ELAPOR1: variants seen among roughly 807,000 people sequenced by gnomAD.
The protein encoded by ELAPOR1 is endosome/lysosome-associated apoptosis and autophagy regulator 1.
In ELAPOR1, 77 loss-of-function variants were observed where a neutral mutation model predicts 119.7. The observed-to-expected ratio is 0.64, with a 90% confidence interval of 0.54 to 0.78. ELAPOR1 has a LOEUF of 0.78. Ranked by LOEUF, ELAPOR1 falls within the 30% of genes least tolerant of loss-of-function variation. The pLI is 0.00. For missense variants in ELAPOR1, 1,115 were observed against 1,270.4 expected, an observed-to-expected ratio of 0.88 and a Z score of 1.86; for synonymous variants, 481 against 487.2, an observed-to-expected ratio of 0.99 and a Z score of 0.17.
chr1:109,133,441 A>G (rs990394557), intron 1 of ELAPOR1, among the ~76,000 whole-genome samples: 2 of 152,212 alleles, frequency 1.3e-5, no homozygotes, highest in South Asian at 2.1e-4. Context: ...TGCAACAGAA[A>G]GATGTACTGA....
At chr1:109,189,736 C>A in intron 11 of ELAPOR1, 54 bp downstream of exon 11, 5 of 1,402,200 alleles carry the variant, frequency 3.6e-6, no homozygotes, top group Middle Eastern at 1.8e-4. Context: ...TATCCGAATC[C>A]CACGTATTTT....
In ELAPOR1 at chr1:109,197,586, C is replaced by T; in HGVS notation, c.2234C>T (p.Pro745Leu). 1 of 1,614,212 alleles carries T rather than the reference C, an allele frequency of 6.2e-7. No individual in the cohort carries two copies. The highest frequency in any genetic ancestry group is 8.5e-7 in the Non-Finnish European group (1 of 1,180,036). ...TACGTCTGCCAGGCAGTCATCATCCCCCCAGAGGTGACAGGCTACAAGGCC... is the reference window on the plus strand; with the variant it reads ...TACGTCTGCCAGGCAGTCATCATCCTCCCAGAGGTGACAGGCTACAAGGCC... ...TAYVCQAVII[P>L]PEVTGYKAGV... is the part of the protein sequence containing the mutation. The change falls in exon 16 of 22, where the codon CCC becomes CTC. Residue 745 changes from proline (P) to leucine (L), a missense_variant. By Grantham distance (98) the Pro-to-Leu change is moderately conservative. Coordinates refer to ENST00000369939, the MANE Select transcript of ELAPOR1 (RefSeq NM_020775.5).
At chr1:109,170,878 C>T (rs967912300) in intron 3 of ELAPOR1, among the ~76,000 whole-genome samples, 37 of 151,922 alleles carry the variant, frequency 2.4e-4, no homozygotes, top group Non-Finnish European at 1.5e-5. Context: ...AGAGTGAACA[C>T]GTATTTAGGA....
intron 7 of ELAPOR1, among the ~76,000 whole-genome samples, chr1:109,181,962 GAAAT>G (rs1652725545): frequency 6.6e-6 from 1 of 152,144 alleles, no homozygotes; most frequent in South Asian, 2.1e-4. Context: ...AATCAGTTGA[GAAAT>G]AAGCCCTTAA....
At chr1:109,159,547 T>C (rs1207609506) in intron 1 of ELAPOR1, among the ~76,000 whole-genome samples, 2 of 152,166 alleles carry the variant, frequency 1.3e-5, no homozygotes, top group East Asian at 3.8e-4. Flanking sequence ...CAACCAACAC[T>C]GTCATGTTTA....
At chr1:109,190,329 C>T (rs1349224968) in intron 11 of ELAPOR1, among the ~76,000 whole-genome samples, 1 of 152,232 alleles carries the variant, frequency 6.6e-6, no homozygotes, top group Non-Finnish European at 1.5e-5. Context: ...GTTCAGATGG[C>T]TTTTCCAGCC....
intron 1 of ELAPOR1, among the ~76,000 whole-genome samples, chr1:109,118,127 C>CAA (rs112431191): frequency 2.9e-5 from 4 of 137,072 alleles, no homozygotes; most frequent in African/African-American, 5.3e-5. Context: ...AACTCCGTCT[C>CAA]AAAAAAAAAA....
At chr1:109,139,357 T>C (rs1211522000) in intron 1 of ELAPOR1, among the ~76,000 whole-genome samples, 1 of 151,704 alleles carries the variant, frequency 6.6e-6, no homozygotes, top group Non-Finnish European at 1.5e-5. Flanking sequence ...TAAAAATAAA[T>C]AAAAATAAAA....
intron 1 of ELAPOR1, among the ~76,000 whole-genome samples, chr1:109,120,252 G>T (rs1648307722): frequency 6.6e-6 from 1 of 152,096 alleles, no homozygotes; most frequent in East Asian, 1.9e-4. Flanking sequence ...GCAAAACCTA[G>T]CTGGTGTGGT....
At chr1:109,201,756 C>T (rs1411713689) in intron 21 of ELAPOR1, among the ~76,000 whole-genome samples, 1 of 152,092 alleles carries the variant, frequency 6.6e-6, no homozygotes, top group Non-Finnish European at 1.5e-5. Flanking sequence ...GAACAGTTCA[C>T]CCTGGGACTC....
At chr1:109,194,976 G>A (rs1304630331) in intron 15 of ELAPOR1, among the ~76,000 whole-genome samples, 1 of 152,036 alleles carries the variant, frequency 6.6e-6, no homozygotes, top group African/African-American at 2.4e-5. Context: ...TGGGCGTGGT[G>A]GTGCATGCCT....
intron 1 of ELAPOR1, among the ~76,000 whole-genome samples, chr1:109,123,449 G>A (rs74113754): frequency 0.018 from 2,673 of 152,186 alleles, 89 homozygotes; most frequent in African/African-American, 0.061. Flanking sequence ...TTTAATCACC[G>A]TATCTGTTGG....
In ELAPOR1 at chr1:109,144,153, G is replaced by C. The variant is rs187003780; in HGVS notation, c.154-17741G>C. The stretch of plus-strand genomic sequence containing the variant: ...TGGCTCACCGCAACCTCCACTTCCC[G>C]GGTTCAAGTGATTCTCCTGCCTCAG... On this transcript the variant is annotated intron_variant, in intron 1 of 21. Transcript: ENST00000369939. 3.7e-3 allele frequency among the ~76,000 whole-genome samples: 528 copies of C among 143,872 alleles called. 24 individuals are homozygous for C. The East Asian group carries it at 0.085, about 23-fold the overall frequency. 94.4% of individuals were successfully genotyped at this position (143,872 alleles called of 152,430 possible). A position where few individuals can be genotyped will look rare whatever the true frequency, so the allele number is the denominator to read the frequency against.
At chr1:109,165,472 C>T (rs571282755) in intron 3 of ELAPOR1, among the ~76,000 whole-genome samples, 9 of 151,652 alleles carry the variant, frequency 5.9e-5, no homozygotes, top group Non-Finnish European at 1.3e-4. Context: ...GTGATCTCAG[C>T]GACTCGGGAG....
chr1:109,160,470 A>G (rs190495515), intron 1 of ELAPOR1, among the ~76,000 whole-genome samples: 1 of 152,156 alleles, frequency 6.6e-6, no homozygotes, highest in South Asian at 2.1e-4. Context: ...ATTTTAAGAC[A>G]CGTCTTGATT....
intron 3 of ELAPOR1, among the ~76,000 whole-genome samples, chr1:109,169,671 G>A (rs1316303613): frequency 6.6e-6 from 1 of 152,204 alleles, no homozygotes; most frequent in Non-Finnish European, 1.5e-5. Flanking sequence ...TCCCCACTAT[G>A]TGCCAGGTCC....
intron 1 of ELAPOR1, among the ~76,000 whole-genome samples, chr1:109,149,560 G>C (rs1650398173): frequency 6.6e-6 from 1 of 152,140 alleles, no homozygotes; most frequent in Non-Finnish European, 1.5e-5. Context: ...CTCCCGAGCT[G>C]TTCTAGGGCC....
At chr1:109,144,442 T>A (rs1650052815) in intron 1 of ELAPOR1, among the ~76,000 whole-genome samples, 1 of 152,280 alleles carries the variant, frequency 6.6e-6, no homozygotes, top group Non-Finnish European at 1.5e-5. Flanking sequence ...AATAATTTTC[T>A]TAGAAATAGA....
At position 109,197,553 on chromosome 1, in the gene ELAPOR1, TCA is replaced by T. The variant is rs940837035; in HGVS notation, c.2204_2205del (p.Thr735SerfsTer29). The T allele has an allele frequency of 1.7e-5, 28 of 1,614,074 alleles. No homozygotes were observed. The highest frequency in any genetic ancestry group is 2.3e-5 in the Non-Finnish European group (27 of 1,180,048). On this transcript the variant is annotated frameshift_variant, in exon 16 of 22. Coordinates refer to ENST00000369939, the MANE Select transcript of ELAPOR1 (RefSeq NM_020775.5). LOFTEE classifies it high-confidence loss of function. ...GGTGAGTCAGGGTTCTCCAAATCTA[TCA>T]CAGCCTACGTCTGCCAGGCAGTCAT...
Sources: gnomAD v4.1 joint callset for allele counts (sites outside exome capture counted in the v4.1 genomes callset) on GRCh38, gnomAD v4.1.1 for gene constraint, MANE v1.5 for transcripts, NCBI Gene and HGNC (gene_info 2026-07-23, HGNC 2026-07-21) for gene names.